The following SDK2 variants were observed in gnomAD, a reference collection of about 807,000 sequenced individuals.
The protein encoded by SDK2 is protein sidekick-2.
In SDK2, 105 loss-of-function variants were observed where a neutral mutation model predicts 253.9. The observed-to-expected ratio is 0.41, with a 90% confidence interval of 0.35 to 0.49. The LOEUF is 0.49. Ranked by LOEUF, SDK2 falls within the 20% of genes least tolerant of loss-of-function variation. The pLI, the probability that SDK2 is intolerant of heterozygous loss-of-function variation, is 0.06. For synonymous variants in SDK2, 1,249 were observed against 1,234.9 expected, an observed-to-expected ratio of 1.01 and a Z score of -0.24; for missense variants, 2,608 against 3,003.0, an observed-to-expected ratio of 0.87 and a Z score of 3.07.
At chr17:73,580,075 A>T (rs2045513759) in intron 1 of SDK2, among the ~76,000 whole-genome samples, 1 of 152,058 alleles carries the variant, frequency 6.6e-6, no homozygotes, top group Non-Finnish European at 1.5e-5. Context: ...AAAGAGAGAC[A>T]CCTCAGAAGA....
chr17:73,389,123 C>T (rs957749028), intron 29 of SDK2, among the ~76,000 whole-genome samples: 2 of 150,714 alleles, frequency 1.3e-5, no homozygotes, highest in East Asian at 2.0e-4. Flanking sequence ...CCTTCTACCT[C>T]GGCCTCTTGA....
rs755552483 is a variant in SDK2 at position 73,511,950 on chromosome 17, T to C, written c.65-4353A>G. On this transcript the variant is annotated intron_variant, in intron 1 of 44. Transcript: ENST00000392650. This position sits in a 1 kb window ranked among gnomAD's most constrained non-coding sequence, Gnocchi z 4.9. ...GCAGGTGTGTCTGCATGTATGTCCA[T>C]GTGTGGACATTCACATATCTGTGAA... 1.3e-5 allele frequency among the ~76,000 whole-genome samples: 2 copies of C among 151,420 alleles called. No individual in the cohort carries two copies. The highest frequency in any genetic ancestry group is 2.5e-5 in the African/African-American group (1 of 40,760).
chr17:73,337,042 T>C lies in SDK2; in HGVS notation c.*1545A>G, dbSNP rs909516439. ...TTGCAGAACACTCCTTGGAGCAGAT[T>C]GTGTATGTGTATGTGTGTGTGTGTG... On this transcript the variant is annotated 3_prime_UTR_variant, in exon 45 of 45. Transcript: ENST00000392650. The C allele has an allele frequency of 7.3e-6, 1 of 136,168 alleles. No individual in the cohort carries two copies. The highest frequency in any genetic ancestry group is 1.6e-5 in the Non-Finnish European group (1 of 63,642). The allele number at this position is 136,168 out of a possible 1,614,324, so 8.4% of individuals were successfully genotyped here.
At position 73,402,089 on chromosome 17, in the gene SDK2, C is replaced by G. The variant is rs758913644; in HGVS notation, c.2537G>C (p.Arg846Pro). Residue 846 changes from arginine to proline, a missense_variant, in exon 19 of 45, where the codon CGG becomes CCG. Physicochemically the swap from Arg to Pro is moderately radical, Grantham distance 103. Coordinates refer to ENST00000392650, the MANE Select transcript of SDK2 (RefSeq NM_001144952.2). The stretch of plus-strand genomic sequence containing the variant: ...GTGGATGCTGTCTTGAAAGTTAGGC[C>G]GGGCGGTCACCATGGTAACCTCCTC... ...QEEEVTMVTARPNFQDSIHVG... is the reference protein window; with the variant it reads ...QEEEVTMVTAPPNFQDSIHVG... 1.9e-6 allele frequency: 3 copies of G among 1,613,900 alleles called. No individual in the cohort carries two copies. Among genetic ancestry groups the G allele is most frequent in the Non-Finnish European group, 2.5e-6 (3 of 1,179,900 alleles).
chr17:73,440,738 C>G, intron 6 of SDK2, 74 bp downstream of exon 6: 1 of 1,114,004 alleles, frequency 9.0e-7, no homozygotes, highest in Non-Finnish European at 1.3e-6. Flanking sequence ...TCTGGCTGCT[C>G]TCCCTGGAGC....
At chr17:73,620,406 A>C (rs1448117023) in intron 1 of SDK2, among the ~76,000 whole-genome samples, 2 of 152,224 alleles carry the variant, frequency 1.3e-5, no homozygotes, top group Non-Finnish European at 2.9e-5. Flanking sequence ...AAGAAATCAA[A>C]ACCTTTGTAC....
At chr17:73,592,852 C>T (rs1373590074) in intron 1 of SDK2, among the ~76,000 whole-genome samples, 1 of 152,180 alleles carries the variant, frequency 6.6e-6, no homozygotes, top group Non-Finnish European at 1.5e-5. Context: ...CAAAGAGTCA[C>T]AGACACATGG....
chr17:73,405,529 A>T (rs2063069836), intron 18 of SDK2, among the ~76,000 whole-genome samples: 1 of 115,342 alleles, frequency 8.7e-6, no homozygotes, highest in Non-Finnish European at 1.8e-5. Flanking sequence ...AAGATCGAGA[A>T]TGTGGAAAGT....
rs187960606 is a variant in SDK2 at position 73,460,607 on chromosome 17, C to T, written c.332-4554G>A. On this transcript the variant is annotated intron_variant, in intron 3 of 44. Transcript: ENST00000392650. ...TTTTCACAGCTTAGTTTAAACATCA[C>T]CTCCTCAATGAAGTTTACCCAAAAC... is the stretch of plus-strand genomic sequence containing the variant. 5.6e-4 allele frequency among the ~76,000 whole-genome samples: 86 copies of T among 152,264 alleles called. 2 individuals are homozygous for T. The highest frequency in any genetic ancestry group is 1.6e-3 in the Admixed American group (24 of 15,296).
rs1050067357 is a variant in SDK2, at chr17:73,470,855, C to A, written c.331+1257G>T. ...TGCCACCCTGTTATGTCCCACAGTA[C>A]AACGTGGGACTTCTCCTCCTAGGAA... is the stretch of plus-strand genomic sequence containing the variant. On this transcript the variant is annotated intron_variant, in intron 3 of 44. Transcript: ENST00000392650. 1.4e-4 allele frequency among the ~76,000 whole-genome samples: 21 copies of A among 152,200 alleles called. 1 individual carries two copies. Among genetic ancestry groups the A allele is most frequent in the African/African-American group, 5.1e-4 (21 of 41,450 alleles).
At chr17:73,365,516 G>T in intron 37 of SDK2, 121 bp from the exon 38 acceptor site, 1 of 1,047,012 alleles carries the variant, frequency 9.6e-7, no homozygotes, top group African/African-American at 1.7e-5. Context: ...AGAGCGTGGG[G>T]CTCGGCAGAA....
At chr17:73,483,307 CTT>C (rs3070666) in intron 2 of SDK2, among the ~76,000 whole-genome samples, 12 of 116,954 alleles carry the variant, frequency 1.0e-4, no homozygotes, top group Admixed American at 1.8e-4. Flanking sequence ...CAAGACAGAA[CTT>C]TTTTTTTTTT....
rs549740965 is a variant in SDK2, at chr17:73,397,279, C to T, written c.3354+756G>A. Among the ~76,000 whole-genome samples the T allele has an allele frequency of 6.3e-4, 96 of 152,250 alleles. No homozygotes were observed. In the Middle Eastern group the frequency reaches 0.014, roughly 22 times the overall value. On this transcript the variant is annotated intron_variant, in intron 24 of 44. Transcript: ENST00000392650. Reference sequence around the variant, plus strand: ...GCTCTGTGGGACACGTGCTGGGAAACGATGTTCCAGAGGGCCTGGTGGGGA... The same window carrying T: ...GCTCTGTGGGACACGTGCTGGGAAATGATGTTCCAGAGGGCCTGGTGGGGA...
At chr17:73,348,874 G>C (rs142999116) in intron 43 of SDK2, 149 bp from the exon 44 acceptor site, 4 of 629,314 alleles carry the variant, frequency 6.4e-6, no homozygotes, top group African/African-American at 1.8e-5. Context: ...CCAGGGGCCC[G>C]GGCCTGGGAG....
intron 44 of SDK2, 46 bp downstream of exon 44, chr17:73,348,553 C>T (rs752075822): frequency 4.2e-5 from 67 of 1,598,134 alleles, no homozygotes; most frequent in Admixed American, 6.8e-5. Flanking sequence ...CTCTGGGAGG[C>T]GCTGCTCCCT....
chr17:73,557,352 G>T (rs1014713618), intron 1 of SDK2, among the ~76,000 whole-genome samples: 1 of 151,848 alleles, frequency 6.6e-6, no homozygotes, highest in Non-Finnish European at 1.5e-5. Flanking sequence ...GCCCAGGCTG[G>T]AGTGCAGTGG....
intron 4 of SDK2, among the ~76,000 whole-genome samples, chr17:73,452,154 A>T (rs1047720862): frequency 6.6e-5 from 10 of 152,116 alleles, no homozygotes; most frequent in African/African-American, 2.4e-4. Context: ...ATGCATCTTT[A>T]TGAGGAATCT....
At position 73,617,604 on chromosome 17, in the gene SDK2, C is replaced by T. The variant is rs115965016; in HGVS notation, c.64+26421G>A. 3.1e-3 allele frequency among the ~76,000 whole-genome samples: 475 copies of T among 152,224 alleles called. 2 individuals carry two copies. The highest frequency in any genetic ancestry group is 0.011 in the African/African-American group (451 of 41,532). Reference sequence around the variant, plus strand: ...GCTCCAGGGGAGCTTACGAAGGGGGCGTCCCAGCTATTTGCGTTCTCCTGA... The same window carrying T: ...GCTCCAGGGGAGCTTACGAAGGGGGTGTCCCAGCTATTTGCGTTCTCCTGA... On this transcript the variant is annotated intron_variant, in intron 1 of 44. Transcript: ENST00000392650.
intron 1 of SDK2, among the ~76,000 whole-genome samples, chr17:73,568,370 T>G (rs1460409611): frequency 6.6e-6 from 1 of 152,206 alleles, no homozygotes; most frequent in Non-Finnish European, 1.5e-5. Context: ...GTACAGCCTA[T>G]AGAACCGTGA....
Sources: allele counts gnomAD v4.1 joint callset (sites outside exome capture counted in the v4.1 genomes callset), GRCh38; gene constraint gnomAD v4.1.1; non-coding constraint Gnocchi (gnomAD v3.1); transcripts MANE v1.5; gene names NCBI Gene and HGNC (gene_info 2026-07-23, HGNC 2026-07-21).